Variants in RBFOX1 observed in about 807,000 individuals in gnomAD.
RBFOX1 encodes the protein RNA binding protein fox-1 homolog 1.
A neutral mutation model predicts 57.7 loss-of-function variants in RBFOX1; 8 were observed. The ratio of observed to expected loss-of-function variants is 0.14; its 90% CI spans 0.08 to 0.25. RBFOX1 has a LOEUF of 0.25. Among genes scored for constraint, RBFOX1 ranks in the 10% least tolerant of loss-of-function variants. The pLI, the probability that RBFOX1 is intolerant of heterozygous loss-of-function variation, is 1.00. For missense variants in RBFOX1, 611 were observed against 548.5 expected (o/e 1.11, Z -1.14); for synonymous variants, 326 against 222.4 (o/e 1.47, Z -4.15).
chr16:6,132,411 T>G (rs571806957), intron 1 of RBFOX1, among the ~76,000 whole-genome samples: 49 of 152,324 alleles, frequency 3.2e-4, no homozygotes, highest in African/African-American at 1.1e-3. Flanking sequence ...TTACCACAGG[T>G]GTGACATGAA....
At chr16:5,733,479 T>C (rs1479676321) in intron 3 of RBFOX1, among the ~76,000 whole-genome samples, 1 of 152,150 alleles carries the variant, frequency 6.6e-6, no homozygotes, top group Non-Finnish European at 1.5e-5. Context: ...AGCAGTGCTG[T>C]CAGTGGAGTA....
At chr16:7,340,124 G>A (rs1238396335) in intron 4 of RBFOX1, among the ~76,000 whole-genome samples, 2 of 152,178 alleles carry the variant, frequency 1.3e-5, no homozygotes, top group African/African-American at 4.8e-5. Context: ...CAGAGGGCAG[G>A]GTCAGCCCCA....
intron 2 of RBFOX1, among the ~76,000 whole-genome samples, chr16:6,521,224 G>A (rs969655498): frequency 2.6e-5 from 4 of 151,990 alleles, no homozygotes; most frequent in African/African-American, 9.7e-5. Flanking sequence ...ATTATGACAG[G>A]GAAGCCTAGG....
At chr16:6,112,506 C>T (rs576838282) in intron 1 of RBFOX1, among the ~76,000 whole-genome samples, 1 of 152,130 alleles carries the variant, frequency 6.6e-6, no homozygotes. Context: ...GCCTGGCCAA[C>T]ATGGAGAAAC....
chr16:6,410,928 T>A (rs971914735), intron 2 of RBFOX1, among the ~76,000 whole-genome samples: 1 of 152,180 alleles, frequency 6.6e-6, no homozygotes, highest in Non-Finnish European at 1.5e-5. Context: ...ACTCAGCATT[T>A]GTGGGCTGGC....
intron 1 of RBFOX1, among the ~76,000 whole-genome samples, chr16:6,206,148 C>T (rs1185247386): frequency 6.6e-6 from 1 of 152,112 alleles, no homozygotes; most frequent in Non-Finnish European, 1.5e-5. Context: ...AAGAAAACTT[C>T]TTACTATGAT....
chr16:6,582,258 G>A (rs934480209), intron 2 of RBFOX1, among the ~76,000 whole-genome samples: 1 of 152,132 alleles, frequency 6.6e-6, no homozygotes, highest in East Asian at 1.9e-4. Flanking sequence ...TTGAATTTAT[G>A]ATTAGCTATT....
chr16:6,249,780 T>TC (rs2097593165), intron 1 of RBFOX1, among the ~76,000 whole-genome samples: 1 of 151,284 alleles, frequency 6.6e-6, no homozygotes. Flanking sequence ...TTCTTTTTTT[T>TC]TTTTTTTATT....
At chr16:6,722,776 A>T (rs973825508) in intron 3 of RBFOX1, among the ~76,000 whole-genome samples, 8 of 152,330 alleles carry the variant, frequency 5.3e-5, no homozygotes, top group African/African-American at 1.9e-4. Context: ...ATGTAGGCAT[A>T]TCTTCATTTT....
intron 3 of RBFOX1, among the ~76,000 whole-genome samples, chr16:6,838,519 C>G (rs1029218891): frequency 6.6e-6 from 1 of 152,180 alleles, no homozygotes; most frequent in African/African-American, 2.4e-5. Context: ...GGTATAAATG[C>G]AACTGCAAAA....
At chr16:6,948,375 C>CCTTTTT (rs2079988899) in intron 3 of RBFOX1, among the ~76,000 whole-genome samples, 2 of 67,968 alleles carry the variant, frequency 2.9e-5, no homozygotes, top group African/African-American at 1.3e-4. Context: ...TTCTCCCTTT[C>CCTTTTT]TTTTTTTTTT....
intron 1 of RBFOX1, among the ~76,000 whole-genome samples, chr16:6,045,262 A>C (rs1215109822): frequency 6.6e-6 from 1 of 152,218 alleles, no homozygotes; most frequent in African/African-American, 2.4e-5. Context: ...CACATTGAGT[A>C]GTAAGGAGAT....
At chr16:6,625,695 C>T (rs1378998539) in intron 2 of RBFOX1, among the ~76,000 whole-genome samples, 1 of 147,504 alleles carries the variant, frequency 6.8e-6, no homozygotes, top group Non-Finnish European at 1.5e-5. Flanking sequence ...AGTATCTCTT[C>T]CAATTAATGT....
chr16:6,328,929 A>G (rs1477603753), intron 2 of RBFOX1, among the ~76,000 whole-genome samples: 1 of 152,150 alleles, frequency 6.6e-6, no homozygotes, highest in Non-Finnish European at 1.5e-5. Flanking sequence ...CAAGGATCCA[A>G]CCAACAAGTG....
intron 1 of RBFOX1, among the ~76,000 whole-genome samples, chr16:6,175,009 A>G (rs1328543462): frequency 3.3e-5 from 5 of 152,214 alleles, no homozygotes; most frequent in Non-Finnish European, 5.9e-5. Context: ...TCTCTTCCTC[A>G]GTTTCTTTAA....
At chr16:7,356,596 C>T (rs890084652) in intron 4 of RBFOX1, among the ~76,000 whole-genome samples, 2 of 152,116 alleles carry the variant, frequency 1.3e-5, no homozygotes, top group African/African-American at 2.4e-5. Flanking sequence ...TATAGAGGTG[C>T]AGTAAGAAGC....
intron 2 of RBFOX1, among the ~76,000 whole-genome samples, chr16:5,588,535 C>A (rs2046905402): frequency 6.6e-6 from 1 of 152,140 alleles, no homozygotes; most frequent in African/African-American, 2.4e-5. Context: ...ACTTCATCTT[C>A]AGTGGCATCA....
chr16:6,809,475 T>A (rs2087854018), intron 3 of RBFOX1, among the ~76,000 whole-genome samples: 1 of 152,178 alleles, frequency 6.6e-6, no homozygotes, highest in Non-Finnish European at 1.5e-5. Flanking sequence ...ACAAAAATAT[T>A]ATCTTCCTCA....
At chr16:5,785,180 G>C (rs1425244061) in intron 3 of RBFOX1, among the ~76,000 whole-genome samples, 2 of 152,198 alleles carry the variant, frequency 1.3e-5, no homozygotes, top group African/African-American at 2.4e-5. Flanking sequence ...AACGGTCCTT[G>C]CTATGTGGTA....
Sources: allele counts gnomAD v4.1 joint callset (sites outside exome capture counted in the v4.1 genomes callset), GRCh38; gene constraint gnomAD v4.1.1; transcripts MANE v1.5; gene names NCBI Gene and HGNC (gene_info 2026-07-23, HGNC 2026-07-21).